Variants in NETO2 observed in about 807,000 individuals in gnomAD.
NETO2 encodes the protein neuropilin and tolloid like 2.
Under a neutral mutation model 62.5 loss-of-function variants are expected in NETO2, and 28 were observed. The ratio of observed to expected loss-of-function variants is 0.45; its 90% CI spans 0.33 to 0.61. The LOEUF (loss-of-function observed/expected upper bound fraction) is 0.61, where lower values mean the gene tolerates loss of function less well. Ranked by LOEUF, NETO2 falls within the 20% of genes least tolerant of loss-of-function variation. The pLI is 0.02. For synonymous variants in NETO2, 214 were observed against 219.1 expected, an observed-to-expected ratio of 0.98 and a Z score of 0.21; for missense variants, 548 against 643.2, an observed-to-expected ratio of 0.85 and a Z score of 1.60.
At chr16:47,094,403 T>TTTTA (rs201234690) in intron 7 of NETO2, among the ~76,000 whole-genome samples, 15,495 of 151,332 alleles carry the variant, frequency 0.1, 1,896 homozygotes, top group African/African-American at 0.3. Flanking sequence ...GGAAGGTTTG[T>TTTTA]TTTATTTATT....
chr16:47,131,100 G>T (rs1223939227), intron 2 of NETO2, among the ~76,000 whole-genome samples: 2 of 150,644 alleles, frequency 1.3e-5, no homozygotes, highest in Non-Finnish European at 3.0e-5. Flanking sequence ...ATTTCCTAAA[G>T]ATAAAATTCA....
At chr16:47,095,766 C>T (rs934325159) in intron 7 of NETO2, among the ~76,000 whole-genome samples, 1 of 152,046 alleles carries the variant, frequency 6.6e-6, no homozygotes, top group Non-Finnish European at 1.5e-5. Flanking sequence ...CCAGGCAGAA[C>T]ATCAATAAGA....
chr16:47,125,508 GCTAA>G (rs1224814545), intron 4 of NETO2, among the ~76,000 whole-genome samples: 1 of 151,942 alleles, frequency 6.6e-6, no homozygotes, highest in Non-Finnish European at 1.5e-5. Context: ...ACCACGCCCA[GCTAA>G]CTGTCGTATT....
At chr16:47,119,458 GTCTT>G (rs1312034909) in intron 6 of NETO2, among the ~76,000 whole-genome samples, 2 of 151,724 alleles carry the variant, frequency 1.3e-5, no homozygotes, top group African/African-American at 4.8e-5. Flanking sequence ...GCCTATTTAT[GTCTT>G]TTTTTTTCTA....
At chr16:47,118,499 A>G (rs1315957409) in intron 6 of NETO2, among the ~76,000 whole-genome samples, 1 of 152,130 alleles carries the variant, frequency 6.6e-6, no homozygotes, top group Non-Finnish European at 1.5e-5. Flanking sequence ...TTAGTCTCCC[A>G]ACCTGTTGTG....
At chr16:47,143,267 G>A (rs1964501588) in intron 1 of NETO2, among the ~76,000 whole-genome samples, 1 of 152,034 alleles carries the variant, frequency 6.6e-6, no homozygotes, top group African/African-American at 2.4e-5. Flanking sequence ...GAAGCGGCGC[G>A]AGGGCGCAGC....
intron 7 of NETO2, among the ~76,000 whole-genome samples, chr16:47,105,186 C>T (rs530164819): frequency 8.1e-4 from 124 of 152,266 alleles, no homozygotes; most frequent in African/African-American, 2.8e-3. Flanking sequence ...GTGTATGCCA[C>T]TGTGCCCAGA....
At chr16:47,140,746 A>G (rs777770794) in intron 1 of NETO2, among the ~76,000 whole-genome samples, 2 of 152,218 alleles carry the variant, frequency 1.3e-5, no homozygotes, top group African/African-American at 2.4e-5. Flanking sequence ...TAACTAGTTT[A>G]TAGTCCTGGG....
intron 1 of NETO2, among the ~76,000 whole-genome samples, chr16:47,133,722 G>A (rs1964316270): frequency 6.6e-6 from 1 of 152,172 alleles, no homozygotes; most frequent in African/African-American, 2.4e-5. Flanking sequence ...GAGTAATACA[G>A]TGTGGTTGGC....
At chr16:47,105,629 C>T (rs984020799) in intron 7 of NETO2, among the ~76,000 whole-genome samples, 4 of 152,082 alleles carry the variant, frequency 2.6e-5, no homozygotes, top group East Asian at 3.9e-4. Flanking sequence ...ACACAGAGAA[C>T]GTCTACAACT....
intron 4 of NETO2, among the ~76,000 whole-genome samples, chr16:47,127,616 C>T (rs955028432): frequency 6.6e-6 from 1 of 152,146 alleles, no homozygotes; most frequent in South Asian, 2.1e-4. Flanking sequence ...GAGCAAAGAC[C>T]GGATTCTCCC....
At chr16:47,117,028 TAGTCATGA>T (rs959418441) in intron 6 of NETO2, among the ~76,000 whole-genome samples, 43 of 152,322 alleles carry the variant, frequency 2.8e-4, no homozygotes, top group African/African-American at 9.6e-4. Flanking sequence ...CGTTTCCCTT[TAGTCATGA>T]AGTTTCATGA....
chr16:47,131,732 C>G (rs1964269908), intron 2 of NETO2, among the ~76,000 whole-genome samples: 2 of 152,132 alleles, frequency 1.3e-5, no homozygotes, highest in Non-Finnish European at 1.5e-5. Context: ...CCACAGTATG[C>G]TAGGAGCTAC....
chr16:47,141,439 A>G (rs1300892789), intron 1 of NETO2, among the ~76,000 whole-genome samples: 1 of 152,070 alleles, frequency 6.6e-6, no homozygotes, highest in Non-Finnish European at 1.5e-5. Flanking sequence ...TGATTTTTAA[A>G]TAAATTATAC....
chr16:47,136,807 T>A (rs79529934), intron 1 of NETO2, among the ~76,000 whole-genome samples: 1 of 151,852 alleles, frequency 6.6e-6, no homozygotes, highest in Non-Finnish European at 1.5e-5. Context: ...GAAATAAAAA[T>A]AGATCTCGCC....
rs1359392711 is a variant in NETO2 at position 47,109,532 on chromosome 16, T to C, written c.834A>G (p.Glu278=). The change falls in exon 7 of 9, where the codon GAA becomes GAG. Residue 278 remains glutamate, a synonymous_variant. Transcript: ENST00000562435. The stretch of plus-strand genomic sequence containing the variant: ...TTCGAAACCTGCTAAGCCGACTACC[T>C]TCATCTGCCCACATTCGAATCACTC... ...GIGVIRMWAD[E]GSRLSRFRML... 6.2e-7 allele frequency: 1 copy of C among 1,614,014 alleles called. No individual in the cohort carries two copies. Among genetic ancestry groups the C allele is most frequent in the Non-Finnish European group, 8.5e-7 (1 of 1,180,000 alleles).
chr16:47,124,603 T>C (rs1369121290), intron 4 of NETO2, among the ~76,000 whole-genome samples: 5 of 152,218 alleles, frequency 3.3e-5, no homozygotes, highest in African/African-American at 1.2e-4. Flanking sequence ...TCTCTTTTAG[T>C]GATAAAATTG....
intron 4 of NETO2, 133 bp from the exon 5 acceptor site, chr16:47,123,045 T>C (rs1310727065): frequency 3.8e-6 from 3 of 798,790 alleles, no homozygotes; most frequent in Non-Finnish European, 2.0e-6. Context: ...TACATATCAT[T>C]GGTCATTTAG....
intron 7 of NETO2, among the ~76,000 whole-genome samples, chr16:47,102,266 T>C (rs1445629520): frequency 1.3e-5 from 2 of 152,126 alleles, no homozygotes. Flanking sequence ...TTCCAGAAAC[T>C]GGACCTTATA....
Sources: allele counts gnomAD v4.1 joint callset (sites outside exome capture counted in the v4.1 genomes callset), GRCh38; gene constraint gnomAD v4.1.1; transcripts MANE v1.5; gene names NCBI Gene and HGNC (gene_info 2026-07-23, HGNC 2026-07-21).